Variants in SLC28A3 observed in about 807,000 individuals in gnomAD.
SLC28A3 encodes the protein concentrative Na(+)-nucleoside cotransporter 3.
SLC28A3 carries 68 observed loss-of-function variants against 84.2 expected under a neutral mutation model. The observed-to-expected ratio is 0.81, with a 90% CI of 0.66 to 0.99. SLC28A3 has a LOEUF of 0.99. SLC28A3 is among the 50% of genes least tolerant of loss of function. SLC28A3 has a pLI of 0.00. For missense variants in SLC28A3, 712 were observed against 841.5 expected (o/e 0.85, Z 1.90); for synonymous variants, 267 against 303.6 (o/e 0.88, Z 1.25).
chr9:84,277,898 A>C lies in SLC28A3; in HGVS notation c.*320T>G. On this transcript the variant is annotated 3_prime_UTR_variant, in exon 18 of 18. Transcript: ENST00000376238. ...GGTGAGTCAGAGCCCAGTTGTTGGG[A>C]GCGGCCGTTTATAGCTGTATTCTGG... 7.6e-5 allele frequency: 19 copies of C among 249,556 alleles called. No homozygotes were observed. The highest frequency in any genetic ancestry group is 1.4e-3 in the Middle Eastern group (1 of 716). 15.5% of individuals were successfully genotyped at this position (249,556 alleles called of 1,614,324 possible).
intron 2 of SLC28A3, 101 bp downstream of exon 2, chr9:84,313,258 G>A (rs141756734): frequency 1.5e-4 from 136 of 921,068 alleles, no homozygotes; most frequent in African/African-American, 6.8e-4. Context: ...GTTCCTCTGC[G>A]TGCCAGTGGG....
intron 1 of SLC28A3, among the ~76,000 whole-genome samples, chr9:84,318,539 G>A (rs1446874315): frequency 6.6e-6 from 1 of 152,164 alleles, no homozygotes; most frequent in African/African-American, 2.4e-5. Flanking sequence ...TATAATAAGA[G>A]TTTTAAGAAA....
the SLC28A3 span, among the ~76,000 whole-genome samples, chr9:84,355,463 T>A: frequency 6.6e-6 from 1 of 152,114 alleles, no homozygotes; most frequent in Non-Finnish European, 1.5e-5. Flanking sequence ...GTCAGGCCAA[T>A]ACTAATCCAA....
At chr9:84,351,066 C>G in the SLC28A3 span, among the ~76,000 whole-genome samples, 1 of 152,096 alleles carries the variant, frequency 6.6e-6, no homozygotes, top group African/African-American at 2.4e-5. Flanking sequence ...GTAATAAAAC[C>G]TAGCTTAAAA....
At chr9:84,289,644 G>A (rs1825134257) in intron 11 of SLC28A3, among the ~76,000 whole-genome samples, 1 of 152,194 alleles carries the variant, frequency 6.6e-6, no homozygotes, top group African/African-American at 2.4e-5. Flanking sequence ...TCTAGACCAG[G>A]GGTCAGAAAA....
At chr9:84,305,545 C>T (rs1825763985) in intron 3 of SLC28A3, among the ~76,000 whole-genome samples, 200 bp from the exon 4 acceptor site, 1 of 152,106 alleles carries the variant, frequency 6.6e-6, no homozygotes, top group Non-Finnish European at 1.5e-5. Flanking sequence ...TCAGTGATCA[C>T]CATCATTGAA....
At chr9:84,309,374 T>TG (rs1825904193) in intron 3 of SLC28A3, among the ~76,000 whole-genome samples, 3 of 151,484 alleles carry the variant, frequency 2.0e-5, no homozygotes, top group Non-Finnish European at 4.4e-5. Flanking sequence ...AATACAAAAA[T>TG]TAGCCAGGCG....
At chr9:84,288,226 T>G (rs746761502) in intron 11 of SLC28A3, 48 bp from the exon 12 acceptor site, 1 of 1,611,234 alleles carries the variant, frequency 6.2e-7, no homozygotes, top group Non-Finnish European at 8.5e-7. Context: ...GCTTTTTTCT[T>G]GTGTTCAGAG....
chr9:84,354,764 T>C, the SLC28A3 span, among the ~76,000 whole-genome samples: 1 of 151,848 alleles, frequency 6.6e-6, no homozygotes, highest in East Asian at 1.9e-4. Flanking sequence ...GGAGGATCGC[T>C]TGAGCCCAGG....
At chr9:84,357,212 G>A in the SLC28A3 span, among the ~76,000 whole-genome samples, 3 of 152,238 alleles carry the variant, frequency 2.0e-5, no homozygotes, top group Admixed American at 6.5e-5. Context: ...CTTGGGTTTT[G>A]ATTTGTCCAC....
At chr9:84,316,411 T>C (rs1232072808) in intron 1 of SLC28A3, among the ~76,000 whole-genome samples, 4 of 152,202 alleles carry the variant, frequency 2.6e-5, no homozygotes, top group Non-Finnish European at 5.9e-5. Context: ...TCGGGGAATG[T>C]TCCGCCAGGG....
At chr9:84,321,607 G>A (rs1256949215) in intron 1 of SLC28A3, among the ~76,000 whole-genome samples, 5 of 151,596 alleles carry the variant, frequency 3.3e-5, no homozygotes, top group African/African-American at 4.8e-5. Flanking sequence ...GGTGGCAGGC[G>A]CCTGTAGTCC....
chr9:84,301,380 G>T (rs375089960), intron 5 of SLC28A3, among the ~76,000 whole-genome samples: 1 of 129,754 alleles, frequency 7.7e-6, no homozygotes, highest in South Asian at 2.6e-4. Flanking sequence ...AAAAAGAAAA[G>T]GCTGTAAACA....
intron 6 of SLC28A3, among the ~76,000 whole-genome samples, chr9:84,298,619 G>C (rs555448273): frequency 1.3e-5 from 2 of 152,192 alleles, no homozygotes; most frequent in Admixed American, 6.5e-5. Flanking sequence ...AGTAGTCTAA[G>C]AAGGGCCATT....
intron 1 of SLC28A3, among the ~76,000 whole-genome samples, chr9:84,320,878 A>G (rs1826351607): frequency 6.6e-6 from 1 of 151,218 alleles, no homozygotes; most frequent in South Asian, 2.1e-4. Flanking sequence ...AGGCAGGAGA[A>G]TTGCTTGAAC....
intron 2 of SLC28A3, among the ~76,000 whole-genome samples, chr9:84,312,435 A>C (rs1025294139): frequency 3.9e-5 from 6 of 152,118 alleles, no homozygotes; most frequent in African/African-American, 1.4e-4. Flanking sequence ...TGGTTTTCCA[A>C]ATTTTGCTAC....
intron 4 of SLC28A3, among the ~76,000 whole-genome samples, chr9:84,303,788 G>C (rs1364084435): frequency 6.6e-6 from 1 of 152,138 alleles, no homozygotes; most frequent in Non-Finnish European, 1.5e-5. Flanking sequence ...TCCACCCTCA[G>C]GTCATGGTAA....
rs116225652 is a variant in SLC28A3 at position 84,296,633 on chromosome 9, G to C, written c.861+588C>G. Among the ~76,000 whole-genome samples, 623 of 152,356 alleles carry C rather than the reference G, an allele frequency of 4.1e-3. 7 individuals are homozygous for C. Among genetic ancestry groups the C allele is most frequent in the African/African-American group, 0.015 (606 of 41,578 alleles). ...TGACTGTGGCCAGCCATGGGGCCAA[G>C]CTGCCTTTCCCCTGTAAAATAATGT... On this transcript the variant is annotated intron_variant, in intron 8 of 17. Coordinates refer to ENST00000376238, the MANE Select transcript of SLC28A3 (RefSeq NM_001199633.2).
intron 11 of SLC28A3, among the ~76,000 whole-genome samples, chr9:84,289,130 CCCTGTT>C (rs745634846): frequency 1.8e-4 from 27 of 152,204 alleles, no homozygotes; most frequent in Non-Finnish European, 3.4e-4. Context: ...ACACCTCCCT[CCCTGTT>C]CCTGTTCCCC....
Sources: allele counts gnomAD v4.1 joint callset (sites outside exome capture counted in the v4.1 genomes callset), GRCh38; gene constraint gnomAD v4.1.1; transcripts MANE v1.5; gene names NCBI Gene and HGNC (gene_info 2026-07-23, HGNC 2026-07-21).